The following CNBD1 variants were observed in gnomAD, a reference collection of about 807,000 sequenced individuals.
CNBD1 encodes cyclic nucleotide binding domain containing 1.
A neutral mutation model predicts 54.4 loss-of-function variants in CNBD1; 71 were observed. That is an observed-to-expected ratio of 1.30 (90% confidence interval 1.08 to 1.59). The LOEUF (loss-of-function observed/expected upper bound fraction) is 1.59. Among genes scored for constraint, CNBD1 ranks in the 40% most tolerant of loss-of-function variants. The pLI is 0.00. For missense variants in CNBD1, 659 were observed against 518.0 expected (o/e 1.27, Z -2.64); for synonymous variants, 182 against 170.7 (o/e 1.07, Z -0.51).
At chr8:87,005,921 T>G (rs541289969) in intron 4 of CNBD1, among the ~76,000 whole-genome samples, 88 of 152,202 alleles carry the variant, frequency 5.8e-4, no homozygotes, top group African/African-American at 2.1e-3. Context: ...AAAATACATT[T>G]CTGGGTTGTA....
intron 6 of CNBD1, among the ~76,000 whole-genome samples, chr8:87,266,473 CAG>C (rs1207497970): frequency 9.3e-5 from 4 of 43,234 alleles, no homozygotes; most frequent in African/African-American, 3.0e-4. Context: ...TTTTTTGAGA[CAG>C]AGTTTTGCTC....
At chr8:87,345,995 C>G (rs911491718) in intron 8 of CNBD1, among the ~76,000 whole-genome samples, 1 of 151,874 alleles carries the variant, frequency 6.6e-6, no homozygotes, top group Non-Finnish European at 1.5e-5. Flanking sequence ...GTTTCATGGC[C>G]CTGATTATAA....
chr8:87,372,644 A>G (rs1038039260), intron 10 of CNBD1, among the ~76,000 whole-genome samples: 11 of 151,808 alleles, frequency 7.2e-5, no homozygotes, highest in East Asian at 5.8e-4. Context: ...TTTTTGTTAC[A>G]TAATACTTTA....
chr8:87,250,715 C>G (rs1484613940), intron 6 of CNBD1, among the ~76,000 whole-genome samples: 2 of 151,980 alleles, frequency 1.3e-5, no homozygotes, highest in Non-Finnish European at 2.9e-5. Context: ...TGAAATAAGC[C>G]AGGCACAGAA....
At chr8:87,292,025 C>A (rs889508986) in intron 8 of CNBD1, among the ~76,000 whole-genome samples, 1 of 152,134 alleles carries the variant, frequency 6.6e-6, no homozygotes. Flanking sequence ...TAATTTAACT[C>A]TTTGCTGCTC....
intron 4 of CNBD1, among the ~76,000 whole-genome samples, chr8:87,091,487 T>A (rs1295508863): frequency 3.3e-5 from 5 of 152,206 alleles, no homozygotes; most frequent in African/African-American, 9.6e-5. Flanking sequence ...TGTGAATCCT[T>A]GTCATCTAAT....
In CNBD1 at chr8:87,173,462, A is replaced by G. The variant is rs115906402; in HGVS notation, c.432-32531A>G. Among the ~76,000 whole-genome samples the G allele has an allele frequency of 7.1e-3, 1,083 of 152,278 alleles. 12 individuals carry two copies. Among genetic ancestry groups the G allele is most frequent in the African/African-American group, 0.024 (1,014 of 41,550 alleles). ...TACTCCCTTTAGCATTTCTTGTAGC[A>G]TAGGTCTGGTGTTGATAAAATCCCT... On this transcript the variant is annotated intron_variant, in intron 4 of 10. Transcript: ENST00000518476.
At position 87,350,062 on chromosome 8, in the gene CNBD1, A is replaced by G. The variant is rs1447613372; in HGVS notation, c.1043-1623A>G. ...TATTTCCTTATCTATAACAATTGCT[A>G]GGAGCTTCTATGCCTTTCTTTATAT... On this transcript the variant is annotated intron_variant, in intron 8 of 10. Transcript: ENST00000518476. Among the ~76,000 whole-genome samples the G allele has an allele frequency of 7.6e-4, 116 of 152,198 alleles. 1 individual carries two copies. Among genetic ancestry groups the G allele is most frequent in the Non-Finnish European group, 1.5e-5 (1 of 68,030 alleles).
intron 6 of CNBD1, among the ~76,000 whole-genome samples, chr8:87,272,794 T>A (rs1808394640): frequency 6.6e-6 from 1 of 151,968 alleles, no homozygotes; most frequent in Non-Finnish European, 1.5e-5. Context: ...AAATGTACAC[T>A]CCATTAAGTT....
At chr8:87,369,364 A>G (rs1205235516) in intron 10 of CNBD1, among the ~76,000 whole-genome samples, 3 of 151,860 alleles carry the variant, frequency 2.0e-5, no homozygotes, top group Non-Finnish European at 4.4e-5. Flanking sequence ...GTGTATATTT[A>G]TATTGTGTTT....
intron 5 of CNBD1, among the ~76,000 whole-genome samples, chr8:87,234,216 T>A (rs2130823554): frequency 6.6e-6 from 1 of 152,284 alleles, no homozygotes; most frequent in East Asian, 1.9e-4. Flanking sequence ...AGGGTTGGAA[T>A]CAACTTTTCC....
chr8:86,944,890 G>A (rs1459754755), intron 4 of CNBD1, among the ~76,000 whole-genome samples: 1 of 152,068 alleles, frequency 6.6e-6, no homozygotes, highest in Non-Finnish European at 1.5e-5. Context: ...TCTGTGTTAG[G>A]GATTTAGATT....
At position 87,102,884 on chromosome 8, in the gene CNBD1, G is replaced by A. The variant is rs547803993; in HGVS notation, c.432-103109G>A. 2.4e-3 allele frequency among the ~76,000 whole-genome samples: 369 copies of A among 152,222 alleles called. 1 individual carries two copies. Among genetic ancestry groups the A allele is most frequent in the African/African-American group, 8.1e-3 (335 of 41,538 alleles). On this transcript the variant is annotated intron_variant, in intron 4 of 10. Transcript: ENST00000518476. ...CCGCCTCAGCTTCCCAAAGTGCTGG[G>A]GTTACAGGTGTGAGCCACAGCGCTC...
chr8:87,111,763 G>A (rs772049722), intron 4 of CNBD1, among the ~76,000 whole-genome samples: 18 of 152,004 alleles, frequency 1.2e-4, no homozygotes, highest in Non-Finnish European at 2.4e-4. Flanking sequence ...CATTTCCATG[G>A]ATCCCTGTGG....
At chr8:87,302,069 G>A (rs377721576) in intron 8 of CNBD1, among the ~76,000 whole-genome samples, 2 of 152,070 alleles carry the variant, frequency 1.3e-5, no homozygotes, top group Non-Finnish European at 2.9e-5. Context: ...ACAAGGAGGA[G>A]CTGGTACCAT....
Position 87,172,947 on chromosome 8 carries a change from TCTTC to T in CNBD1, c.432-33041_432-33038del, listed in dbSNP as rs1226695325. Among the ~76,000 whole-genome samples the T allele has an allele frequency of 2.6e-5, 4 of 152,154 alleles. No individual in the cohort carries two copies. The South Asian group carries it at 6.2e-4, about 24-fold the overall frequency. ...TTTTCCGGTTATTTTGTGGCCTTTC[TCTTC>T]CTTCTTTCTTTTCTCCCTTTTAGTG... On this transcript the variant is annotated intron_variant, in intron 4 of 10. Coordinates refer to ENST00000518476, the MANE Select transcript of CNBD1 (RefSeq NM_173538.3).
At chr8:87,353,941 T>C (rs1427877889) in intron 10 of CNBD1, 155 bp downstream of exon 10, 2 of 517,208 alleles carry the variant, frequency 3.9e-6, no homozygotes, top group Non-Finnish European at 6.8e-6. Context: ...CCAGATCATT[T>C]CTCTCTTGGT....
At chr8:87,325,494 G>T (rs1809646951) in intron 8 of CNBD1, among the ~76,000 whole-genome samples, 1 of 97,246 alleles carries the variant, frequency 1.0e-5, no homozygotes, top group Non-Finnish European at 2.0e-5. Context: ...CTCCTGTATT[G>T]GGTGCATATA....
chr8:87,264,153 C>T (rs1231441168), intron 6 of CNBD1, among the ~76,000 whole-genome samples: 2 of 152,022 alleles, frequency 1.3e-5, no homozygotes, highest in Admixed American at 6.6e-5. Flanking sequence ...CCCTCTCCCC[C>T]CACCCCACAA....
Sources: allele counts gnomAD v4.1 joint callset (sites outside exome capture counted in the v4.1 genomes callset), GRCh38; gene constraint gnomAD v4.1.1; transcripts MANE v1.5; gene names NCBI Gene and HGNC (gene_info 2026-07-23, HGNC 2026-07-21).